The following PPP1R1C variants were observed in gnomAD, a reference collection of about 807,000 sequenced individuals.
PPP1R1C encodes protein phosphatase 1 regulatory inhibitor subunit 1C, also known as protein phosphatase 1 regulatory subunit 1C.
Under a neutral mutation model 17.4 loss-of-function variants are expected in PPP1R1C, and 15 were observed. The observed-to-expected ratio is 0.86, with a 90% CI of 0.58 to 1.33. The LOEUF is 1.33. PPP1R1C is among the 40% of genes most tolerant of loss of function. The probability of loss-of-function intolerance (pLI) is 0.00; values close to 1 mark genes in which losing one functional copy is unlikely to be tolerated. For synonymous variants in PPP1R1C, 35 were observed against 43.1 expected (o/e 0.81, Z 0.73); for missense variants, 143 against 130.0 (o/e 1.10, Z -0.48).
At chr2:181,985,740 C>T (rs1056906713), upstream of PPP1R1C, 2 of 268,070 alleles carry the variant, frequency 7.5e-6, no homozygotes, top group African/African-American at 4.3e-5. The surrounding 1 kb of genome is among the most constrained non-coding windows in gnomAD (Gnocchi z 4.1). Context: ...GTGGATAGAG[C>T]CTTTCTTTCA....
intron 2 of PPP1R1C, among the ~76,000 whole-genome samples, chr2:181,999,563 A>C (rs1171982431): frequency 6.6e-6 from 1 of 152,240 alleles, no homozygotes; most frequent in African/African-American, 2.4e-5. Context: ...TGTCTTTTTC[A>C]TGGAATAAAA....
chr2:182,062,879 A>G (rs555344131), intron 3 of PPP1R1C, among the ~76,000 whole-genome samples: 1 of 152,132 alleles, frequency 6.6e-6, no homozygotes, highest in Non-Finnish European at 1.5e-5. Context: ...AAGCAAAAAT[A>G]ATTGCCCCAG....
chr2:182,034,144 T>C (rs762208619), intron 2 of PPP1R1C, among the ~76,000 whole-genome samples: 3 of 152,216 alleles, frequency 2.0e-5, no homozygotes, highest in Admixed American at 6.5e-5. Flanking sequence ...GCCTACTATG[T>C]CTAGGAAACT....
chr2:182,061,463 C>G lies in PPP1R1C; in HGVS notation c.164C>G (p.Pro55Arg). 3 of 1,468,042 alleles carry G rather than the reference C, an allele frequency of 2.0e-6. No homozygotes were observed. The highest frequency in any genetic ancestry group is 1.8e-6 in the Non-Finnish European group (2 of 1,110,890). The allele number at this position is 1,468,042 out of a possible 1,614,324, so 90.9% of individuals were successfully genotyped here. Residue 55 changes from proline to arginine, a missense_variant, in exon 3 of 5, where the codon CCC becomes CGC. Pro to Arg is a moderately radical substitution (Grantham distance 103). Coordinates refer to ENST00000682840, the MANE Select transcript of PPP1R1C (RefSeq NM_001080545.3). ...NPPEIDDKRG[P>R]NTQGELQNAS... ...ACAGAAATAGATGACAAGAGGGGGC[C>G]CAACACACAAGGGGAAGTAAGTTTT...
chr2:182,022,925 G>A (rs1686472439), intron 2 of PPP1R1C, among the ~76,000 whole-genome samples: 1 of 152,200 alleles, frequency 6.6e-6, no homozygotes, highest in Admixed American at 6.5e-5. Context: ...CTTAGGTTAT[G>A]CAAAAGTGGA....
intron 2 of PPP1R1C, among the ~76,000 whole-genome samples, chr2:182,009,619 C>T (rs1686032274): frequency 6.6e-6 from 1 of 152,148 alleles, no homozygotes; most frequent in East Asian, 1.9e-4. Flanking sequence ...TGTGCAGAAG[C>T]TTTCTAACTG....
chr2:182,050,628 GA>G (rs1687483682), intron 2 of PPP1R1C, among the ~76,000 whole-genome samples: 1 of 152,106 alleles, frequency 6.6e-6, no homozygotes, highest in Non-Finnish European at 1.5e-5. Context: ...GTCATCCACT[GA>G]TTTCACAGCC....
intron 4 of PPP1R1C, among the ~76,000 whole-genome samples, chr2:182,103,207 G>A (rs984292059): frequency 1.3e-5 from 2 of 152,148 alleles, no homozygotes; most frequent in Non-Finnish European, 2.9e-5. Flanking sequence ...CTTGTGTTGA[G>A]AAACTAAGTA....
chr2:182,099,334 C>T (rs907563312), intron 4 of PPP1R1C, among the ~76,000 whole-genome samples: 1 of 152,086 alleles, frequency 6.6e-6, no homozygotes, highest in Non-Finnish European at 1.5e-5. Context: ...TTTGGGTTGG[C>T]TAATGCTAAT....
intron 4 of PPP1R1C, among the ~76,000 whole-genome samples, chr2:182,095,996 A>G (rs1019364778): frequency 7.0e-5 from 5 of 71,462 alleles, no homozygotes; most frequent in African/African-American, 4.3e-4. Context: ...AAAAAACTCT[A>G]AAAAAAAAAA....
intron 2 of PPP1R1C, among the ~76,000 whole-genome samples, chr2:182,033,762 G>A (rs1225159357): frequency 6.6e-6 from 1 of 152,066 alleles, no homozygotes; most frequent in Non-Finnish European, 1.5e-5. Flanking sequence ...AATTTTCTAA[G>A]AAGTGCAGAA....
intron 1 of PPP1R1C, among the ~76,000 whole-genome samples, chr2:181,958,208 G>A (rs886684287): frequency 6.6e-6 from 1 of 152,128 alleles, no homozygotes; most frequent in African/African-American, 2.4e-5. Context: ...CTAATTTCAG[G>A]TCAACTCCCT....
At chr2:182,005,194 A>G (rs1685881712) in intron 2 of PPP1R1C, among the ~76,000 whole-genome samples, 1 of 152,210 alleles carries the variant, frequency 6.6e-6, no homozygotes, top group Non-Finnish European at 1.5e-5. Flanking sequence ...CAATATAACT[A>G]TCTTAAAAAC....
intron 4 of PPP1R1C, among the ~76,000 whole-genome samples, chr2:182,079,678 G>C (rs1688414557): frequency 6.6e-6 from 1 of 152,216 alleles, no homozygotes; most frequent in Admixed American, 6.5e-5. Context: ...TAACACAAAA[G>C]AAATGTTTCC....
At chr2:182,119,440 C>A (rs1418766570), downstream of PPP1R1C, among the ~76,000 whole-genome samples, 1 of 152,174 alleles carries the variant, frequency 6.6e-6, no homozygotes, top group Non-Finnish European at 1.5e-5. Context: ...ATGGCTGGGT[C>A]AAATGGTATT....
chr2:181,977,372 T>A (rs1358314414), intron 2 of PPP1R1C, among the ~76,000 whole-genome samples: 2 of 151,996 alleles, frequency 1.3e-5, no homozygotes, highest in Non-Finnish European at 2.9e-5. Context: ...ACTCCTCTGA[T>A]TGTATTTTTG....
intron 2 of PPP1R1C, chr2:182,023,706 G>C (rs372021855): frequency 2.0e-5 from 3 of 151,946 alleles, no homozygotes; most frequent in Admixed American, 2.0e-4. Flanking sequence ...CTGCAGCCTT[G>C]GTCTCCTGGG....
intron 2 of PPP1R1C, among the ~76,000 whole-genome samples, chr2:182,000,301 G>A (rs1239336578): frequency 1.3e-5 from 2 of 152,122 alleles, no homozygotes; most frequent in African/African-American, 2.4e-5. Context: ...GATAGAAACG[G>A]GGTTGGTCTA....
chr2:182,127,051 A>G (rs756899114), intron 5 of PPP1R1C, among the ~76,000 whole-genome samples: 28 of 152,142 alleles, frequency 1.8e-4, no homozygotes, highest in Non-Finnish European at 3.5e-4. Context: ...TCCCAGCAGT[A>G]TATAAAATTA....
Sources: gnomAD v4.1 joint callset for allele counts (sites outside exome capture counted in the v4.1 genomes callset) on GRCh38, gnomAD v4.1.1 for gene constraint, Gnocchi (gnomAD v3.1) non-coding constraint, MANE v1.5 for transcripts, NCBI Gene and HGNC (gene_info 2026-07-23, HGNC 2026-07-21) for gene names.